Variants in CCDC12 observed in about 807,000 individuals in gnomAD.
CCDC12 encodes the protein coiled-coil domain containing 12.
In CCDC12, 28 loss-of-function variants were observed where a neutral mutation model predicts 25.7. The observed-to-expected ratio is 1.09, with a 90% CI of 0.81 to 1.50. CCDC12 has a LOEUF of 1.50. Among genes scored for constraint, CCDC12 ranks in the 40% most tolerant of loss-of-function variants. The pLI, the probability that CCDC12 is intolerant of heterozygous loss-of-function variation, is 0.00. For missense variants in CCDC12, 198 were observed against 210.0 expected (o/e 0.94, Z 0.35); for synonymous variants, 75 against 87.7 (o/e 0.86, Z 0.81).
At chr3:46,934,282 G>A (rs961440518) in intron 2 of CCDC12, among the ~76,000 whole-genome samples, 8 of 152,226 alleles carry the variant, frequency 5.3e-5, no homozygotes, top group Non-Finnish European at 8.8e-5. Context: ...GACCACTCTG[G>A]GAAAGTGGAT....
Position 46,932,036 on chromosome 3 carries a change from C to T in CCDC12, c.165-6501G>A, listed in dbSNP as rs537419983. Among the ~76,000 whole-genome samples the T allele has an allele frequency of 3.6e-4, 55 of 152,132 alleles. 1 individual carries two copies. Among genetic ancestry groups the T allele is most frequent in the African/African-American group, 1.2e-3 (48 of 41,496 alleles). ...AGTTGCTGCTGCCAGAGGCCAGACT[C>T]GACAGAAGCATGAAAATGAGGGGAG... On this transcript the variant is annotated intron_variant, in intron 2 of 6. Coordinates refer to ENST00000683445, the MANE Select transcript of CCDC12 (RefSeq NM_001277074.2).
intron 4 of CCDC12, 90 bp downstream of exon 4, chr3:46,923,517 G>C: frequency 1.4e-6 from 2 of 1,474,076 alleles, no homozygotes; most frequent in Non-Finnish European, 1.9e-6. Flanking sequence ...GAAGTGACGA[G>C]AAGGAATGGG....
chr3:46,928,444 T>A (rs1323036431), intron 2 of CCDC12, among the ~76,000 whole-genome samples: 1 of 151,986 alleles, frequency 6.6e-6, no homozygotes, highest in African/African-American at 2.4e-5. Context: ...CCCATTAGGT[T>A]GATGCAAAAA....
At chr3:46,980,731 A>G (rs976807472), upstream of CCDC12, among the ~76,000 whole-genome samples, 3 of 152,038 alleles carry the variant, frequency 2.0e-5, no homozygotes, top group African/African-American at 7.3e-5. Flanking sequence ...ATCAGCTGAG[A>G]ACCTGGTATC....
At chr3:46,945,391 C>T (rs2033864624) in intron 1 of CCDC12, among the ~76,000 whole-genome samples, 1 of 152,218 alleles carries the variant, frequency 6.6e-6, no homozygotes, top group African/African-American at 2.4e-5. Context: ...CCCCATTTCT[C>T]ACCCCTGCCC....
rs2033540062 is a variant in CCDC12 at position 46,938,337 on chromosome 3, G to C, written c.164+2661C>G. Among the ~76,000 whole-genome samples, 3 of 152,044 alleles carry C rather than the reference G, an allele frequency of 2.0e-5. No homozygotes were observed. In the South Asian group the frequency reaches 6.2e-4, roughly 32 times the overall value. The stretch of plus-strand genomic sequence containing the variant: ...CACATGGCAGGGCCTCTTTTATCTA[G>C]AACTCACTGACAGGAGCCTGGAACT... On this transcript the variant is annotated intron_variant, in intron 2 of 6. Transcript: ENST00000683445.
chr3:46,949,322 G>A (rs1277429161), intron 1 of CCDC12, among the ~76,000 whole-genome samples: 1 of 152,172 alleles, frequency 6.6e-6, no homozygotes, highest in Non-Finnish European at 1.5e-5. Flanking sequence ...CCATTAGTAT[G>A]CAAAAGGCCC....
chr3:46,967,203 T>C (rs1342766588), intron 1 of CCDC12, among the ~76,000 whole-genome samples: 2 of 152,050 alleles, frequency 1.3e-5, no homozygotes, highest in African/African-American at 2.4e-5. Flanking sequence ...CCCCTGTACT[T>C]TGCCATCTCA....
chr3:46,980,679 G>A (rs1257265240), upstream of CCDC12, among the ~76,000 whole-genome samples: 5 of 152,132 alleles, frequency 3.3e-5, no homozygotes, highest in Non-Finnish European at 5.9e-5. Flanking sequence ...TACTTCAGGT[G>A]GAGTCAGAAG....
upstream of CCDC12, chr3:46,976,820 A>G (rs2035012523): frequency 2.0e-6 from 3 of 1,537,980 alleles, no homozygotes; most frequent in Non-Finnish European, 2.6e-6. Flanking sequence ...CAATCCAAGG[A>G]CGAGAATGAG....
At position 46,941,102 on chromosome 3, in the gene CCDC12, A is replaced by C. The variant is rs768493569; in HGVS notation, c.97-37T>G. 1.1e-5 allele frequency: 17 copies of C among 1,603,998 alleles called. No homozygotes were observed. The Admixed American group carries it at 2.7e-4, about 25-fold the overall frequency. On this transcript the variant is annotated intron_variant, in intron 1 of 6. Coordinates refer to ENST00000683445, the MANE Select transcript of CCDC12 (RefSeq NM_001277074.2). ...GGGAGAAAACCACCAGCTCAGTTGA[A>C]AGCTCCTACTTCCAGTCCACGTGGC...
At chr3:46,934,553 C>T (rs2107122796) in intron 2 of CCDC12, among the ~76,000 whole-genome samples, 1 of 152,306 alleles carries the variant, frequency 6.6e-6, no homozygotes, top group African/African-American at 2.4e-5. Flanking sequence ...AAGCTGAGAT[C>T]AGGACATACA....
chr3:46,950,819 C>CA (rs904076674), intron 1 of CCDC12, among the ~76,000 whole-genome samples: 40 of 146,508 alleles, frequency 2.7e-4, no homozygotes, highest in South Asian at 2.2e-3. Flanking sequence ...ATTCAGGCTT[C>CA]AAAAAAAAAA....
intron 1 of CCDC12, among the ~76,000 whole-genome samples, chr3:46,953,327 C>T (rs1309135333): frequency 6.6e-6 from 1 of 152,024 alleles, no homozygotes; most frequent in African/African-American, 2.4e-5. Flanking sequence ...GACAAACACA[C>T]AAACGCCAGG....
At chr3:46,977,471 CAAAAAAAAAAAAA>C (rs61340798), upstream of CCDC12, among the ~76,000 whole-genome samples, 1 of 120,328 alleles carries the variant, frequency 8.3e-6, no homozygotes, top group African/African-American at 3.3e-5. Context: ...GACTCCGTCT[CAAAAAAAAAAAAA>C]AAAAAAAAAA....
At chr3:46,969,824 G>A (rs1027696673) in intron 1 of CCDC12, among the ~76,000 whole-genome samples, 2 of 151,842 alleles carry the variant, frequency 1.3e-5, no homozygotes, top group African/African-American at 2.4e-5. Flanking sequence ...ATGCACCGTC[G>A]AATAAGGCAA....
chr3:46,944,182 A>T (rs1401794604), intron 1 of CCDC12, among the ~76,000 whole-genome samples: 1 of 152,180 alleles, frequency 6.6e-6, no homozygotes, highest in Non-Finnish European at 1.5e-5. Flanking sequence ...AATGGCAGTC[A>T]GGGAAAAGGA....
chr3:46,979,978 C>G, upstream of CCDC12: 1 of 216,960 alleles, frequency 4.6e-6, no homozygotes, highest in Non-Finnish European at 8.9e-6. Context: ...GCGCCCCGCG[C>G]CTGCTGCACC....
chr3:46,977,845 C>T (rs991342139), upstream of CCDC12, among the ~76,000 whole-genome samples: 2 of 152,218 alleles, frequency 1.3e-5, no homozygotes, highest in Non-Finnish European at 2.9e-5. Flanking sequence ...GACTGCAAGT[C>T]GCCACAAGAT....
Sources: allele counts gnomAD v4.1 joint callset (sites outside exome capture counted in the v4.1 genomes callset), GRCh38; gene constraint gnomAD v4.1.1; transcripts MANE v1.5; gene names NCBI Gene and HGNC (gene_info 2026-07-23, HGNC 2026-07-21).